The following MYPN variants were observed in gnomAD, a reference collection of about 807,000 sequenced individuals.
The protein encoded by MYPN is myopalladin.
Under a neutral mutation model 129.4 loss-of-function variants are expected in MYPN, and 63 were observed. That is an observed-to-expected ratio of 0.49 (90% CI 0.40 to 0.60). MYPN has a LOEUF of 0.60. Among genes scored for constraint, MYPN ranks in the 20% least tolerant of loss-of-function variants. MYPN has a pLI of 0.00. For missense variants in MYPN, 1,596 were observed against 1,635.4 expected (o/e 0.98, Z 0.42); for synonymous variants, 629 against 600.9 (o/e 1.05, Z -0.68).
At chr10:68,100,061 C>T (rs1227924879) in intron 1 of MYPN, among the ~76,000 whole-genome samples, 1 of 152,072 alleles carries the variant, frequency 6.6e-6, no homozygotes, top group Non-Finnish European at 1.5e-5. Context: ...ATATAGTATA[C>T]CTTGGAAAAT....
At chr10:68,199,193 A>G (rs1326474914) in intron 16 of MYPN, among the ~76,000 whole-genome samples, 175 bp from the exon 17 acceptor site, 2 of 152,100 alleles carry the variant, frequency 1.3e-5, no homozygotes, top group Non-Finnish European at 2.9e-5. Context: ...GTTCAAATTC[A>G]TGCAGCTGTT....
At chr10:68,173,469 C>G (rs2043172834) in intron 10 of MYPN, among the ~76,000 whole-genome samples, 1 of 152,152 alleles carries the variant, frequency 6.6e-6, no homozygotes, top group African/African-American at 2.4e-5. Flanking sequence ...ACAAAGAATA[C>G]AGTGTGAAGG....
intron 1 of MYPN, among the ~76,000 whole-genome samples, chr10:68,113,735 T>C (rs898391172): frequency 1.3e-5 from 2 of 151,832 alleles, no homozygotes; most frequent in African/African-American, 4.8e-5. Context: ...AATAATAAAT[T>C]CGTTTTTTTC....
intron 13 of MYPN, among the ~76,000 whole-genome samples, chr10:68,192,984 T>G (rs1475197892): frequency 6.6e-6 from 1 of 152,132 alleles, no homozygotes; most frequent in African/African-American, 2.4e-5. Flanking sequence ...TCTCTTGTAT[T>G]TTTGGTCTTT....
intron 17 of MYPN, among the ~76,000 whole-genome samples, chr10:68,200,168 G>A (rs1007709612): frequency 6.6e-6 from 1 of 152,160 alleles, no homozygotes; most frequent in East Asian, 1.9e-4. Flanking sequence ...TTGCCTCCCT[G>A]AAGAGATGCT....
chr10:68,202,645 C>T (rs1211146375), intron 18 of MYPN, among the ~76,000 whole-genome samples: 3 of 152,110 alleles, frequency 2.0e-5, no homozygotes, highest in Non-Finnish European at 2.9e-5. Context: ...AAACTGGGTA[C>T]GTTGCTTAAT....
intron 2 of MYPN, among the ~76,000 whole-genome samples, chr10:68,128,480 G>A (rs764910907): frequency 1.1e-4 from 17 of 151,868 alleles, no homozygotes; most frequent in Non-Finnish European, 2.2e-4. Flanking sequence ...TCTACTTTTT[G>A]GAAAAATCTA....
chr10:68,156,883 G>A (rs1481773417), intron 6 of MYPN, among the ~76,000 whole-genome samples: 1 of 152,228 alleles, frequency 6.6e-6, no homozygotes, highest in Non-Finnish European at 1.5e-5. Context: ...TACAGAGTTT[G>A]TGGAGGAAGT....
intron 10 of MYPN, among the ~76,000 whole-genome samples, chr10:68,170,056 T>C (rs956754750): frequency 6.6e-6 from 1 of 152,084 alleles, no homozygotes; most frequent in Non-Finnish European, 1.5e-5. Context: ...GTCACACTCT[T>C]GATGTTAGAA....
chr10:68,123,128 A>G (rs1589530335), intron 2 of MYPN, among the ~76,000 whole-genome samples: 1 of 151,988 alleles, frequency 6.6e-6, no homozygotes. Context: ...TAATCCCAGC[A>G]CTTTGGGAGG....
chr10:68,110,490 A>G (rs1189966072), intron 1 of MYPN, among the ~76,000 whole-genome samples: 1 of 152,248 alleles, frequency 6.6e-6, no homozygotes. Flanking sequence ...AAGGAATTTT[A>G]GTAACTTATC....
intron 12 of MYPN, among the ~76,000 whole-genome samples, chr10:68,179,713 T>G (rs183253627): frequency 2.6e-5 from 4 of 152,114 alleles, no homozygotes; most frequent in African/African-American, 7.2e-5. Context: ...CAGGCTGGAG[T>G]GCAGTGGTGC....
At chr10:68,206,948 C>G in intron 19 of MYPN, 45 bp downstream of exon 19, 1 of 1,612,294 alleles carries the variant, frequency 6.2e-7, no homozygotes, top group Non-Finnish European at 8.5e-7. Context: ...CAACTGACAG[C>G]TTAAAAATAT....
chr10:68,195,879 T>C (rs1427735590), intron 15 of MYPN, among the ~76,000 whole-genome samples: 2 of 152,144 alleles, frequency 1.3e-5, no homozygotes, highest in African/African-American at 4.8e-5. Context: ...CATAGCTCAC[T>C]GCAACCTCAA....
chr10:68,199,265 T>C (rs1338852604), intron 16 of MYPN, 103 bp from the exon 17 acceptor site: 1 of 1,131,692 alleles, frequency 8.8e-7, no homozygotes, highest in African/African-American at 1.5e-5. Flanking sequence ...CTCCATGTTT[T>C]CTCTCACTGT....
At chr10:68,176,281 G>A (rs2043226352) in intron 12 of MYPN, among the ~76,000 whole-genome samples, 1 of 152,194 alleles carries the variant, frequency 6.6e-6, no homozygotes, top group South Asian at 2.1e-4. Context: ...AAGAAAGATA[G>A]ACTGAACGTT....
intron 1 of MYPN, among the ~76,000 whole-genome samples, chr10:68,089,775 G>C (rs2041922715): frequency 6.6e-6 from 1 of 152,164 alleles, no homozygotes; most frequent in Non-Finnish European, 1.5e-5. Context: ...TCTGTTTTCA[G>C]TGAATATTTA....
chr10:68,132,293 T>C (rs1413168917), intron 2 of MYPN, among the ~76,000 whole-genome samples: 1 of 152,216 alleles, frequency 6.6e-6, no homozygotes, highest in Non-Finnish European at 1.5e-5. Flanking sequence ...GTAAAGAATA[T>C]TGATTTTATA....
Position 68,122,192 on chromosome 10 carries a change from C to G in MYPN, c.754C>G (p.Pro252Ala), listed in dbSNP as rs1214514195. 1 of 1,609,206 alleles carries G rather than the reference C, an allele frequency of 6.2e-7. No homozygotes were observed. The highest frequency in any genetic ancestry group is 8.5e-7 in the Non-Finnish European group (1 of 1,177,534). ...TGAGGCGGCTGGTGGAGACACTACA[C>G]CAGGGTCTTCCCCTTCATCTCTGTA... ...ASEAAGGDTT[P>A]GSSPSSLYYE... is the part of the protein sequence containing the mutation. Residue 252 changes from proline to alanine, a missense_variant, in exon 2 of 20, where the codon CCA becomes GCA. Transcript: ENST00000358913.
Sources: allele counts gnomAD v4.1 joint callset (sites outside exome capture counted in the v4.1 genomes callset), GRCh38; gene constraint gnomAD v4.1.1; transcripts MANE v1.5; gene names NCBI Gene and HGNC (gene_info 2026-07-23, HGNC 2026-07-21).